LDLRAD4: variants seen among roughly 807,000 people sequenced by gnomAD.
LDLRAD4 encodes low density lipoprotein receptor class A domain containing 4.
LDLRAD4 carries 5 observed loss-of-function variants against 17.0 expected under a neutral mutation model. That is an observed-to-expected ratio of 0.29 (90% confidence interval 0.15 to 0.62). LDLRAD4 has a LOEUF of 0.62. Ranked by LOEUF, LDLRAD4 falls within the 20% of genes least tolerant of loss-of-function variation. The pLI is 0.84. For synonymous variants in LDLRAD4, 168 were observed against 171.8 expected (o/e 0.98, Z 0.17); for missense variants, 340 against 424.7 (o/e 0.80, Z 1.75).
chr18:13,651,456 A>C (rs191916387), exon 6 of LDLRAD4: 39 of 152,298 alleles, frequency 2.6e-4, no homozygotes, highest in African/African-American at 8.9e-4. Flanking sequence ...CAAGTGAAGG[A>C]CCTCTCATCC....
chr18:13,443,731 C>T (rs2091197520), intron 3 of LDLRAD4, among the ~76,000 whole-genome samples: 1 of 152,156 alleles, frequency 6.6e-6, no homozygotes, highest in Non-Finnish European at 1.5e-5. Flanking sequence ...CCTCCCCCTT[C>T]TCCCTTTTGT....
upstream of LDLRAD4, among the ~76,000 whole-genome samples, chr18:13,273,676 G>A (rs562657159): frequency 3.3e-5 from 5 of 152,186 alleles, no homozygotes; most frequent in East Asian, 7.7e-4. Context: ...AGAAGCCTGC[G>A]GCCAGGCTTC....
intron 3 of LDLRAD4, chr18:13,612,659 G>C (rs774145086): frequency 1.9e-6 from 3 of 1,613,460 alleles, no homozygotes; most frequent in Non-Finnish European, 1.7e-6. Flanking sequence ...TTTGAACGTG[G>C]GGGGGCTGCG....
intron 3 of LDLRAD4, among the ~76,000 whole-genome samples, chr18:13,502,676 G>A (rs1043238788): frequency 2.6e-5 from 4 of 152,172 alleles, no homozygotes; most frequent in African/African-American, 7.2e-5. Flanking sequence ...CTTGGGCCAC[G>A]GCTGCCTGAA....
At chr18:13,263,098 T>G (rs1364028289) in intron 1 of LDLRAD4, among the ~76,000 whole-genome samples, 20 of 59,822 alleles carry the variant, frequency 3.3e-4, no homozygotes, top group African/African-American at 8.7e-4. Flanking sequence ...GCTGCTCTGT[T>G]TGCGTGGAAA....
At position 13,532,439 on chromosome 18, in the gene LDLRAD4, G is replaced by A. The variant is rs114455407; in HGVS notation, c.182-88678G>A. Among the ~76,000 whole-genome samples the A allele has an allele frequency of 4.4e-3, 672 of 152,298 alleles. 2 individuals are homozygous for A. The highest frequency in any genetic ancestry group is 0.015 in the African/African-American group (639 of 41,558). Reference sequence around the variant, plus strand: ...GTGATCTGAGTTTATTTCCAAACAGGTCAGGCCCAGATACAAGCGACCGCG... The same window carrying A: ...GTGATCTGAGTTTATTTCCAAACAGATCAGGCCCAGATACAAGCGACCGCG... On this transcript the variant is annotated intron_variant, in intron 3 of 5. Coordinates refer to ENST00000359446, the Ensembl canonical transcript of LDLRAD4.
intron 3 of LDLRAD4, among the ~76,000 whole-genome samples, chr18:13,578,470 CT>C (rs1351355440): frequency 3.3e-5 from 5 of 152,196 alleles, no homozygotes; most frequent in Non-Finnish European, 7.3e-5. Flanking sequence ...GAACCACCTT[CT>C]TTGTAACTGT....
intron 3 of LDLRAD4, among the ~76,000 whole-genome samples, chr18:13,610,203 A>T (rs1169658232): frequency 5.3e-5 from 8 of 150,952 alleles, no homozygotes; most frequent in Admixed American, 4.0e-4. Context: ...CAAAATGCAA[A>T]TATGTTCATT....
chr18:13,601,618 C>A (rs2095162772), intron 3 of LDLRAD4, among the ~76,000 whole-genome samples: 1 of 145,846 alleles, frequency 6.9e-6, no homozygotes, highest in Non-Finnish European at 1.5e-5. Context: ...TGCGCCACGG[C>A]ACTCCAGCCT....
At chr18:13,411,142 C>G (rs1352343444) in intron 2 of LDLRAD4, among the ~76,000 whole-genome samples, 2 of 151,780 alleles carry the variant, frequency 1.3e-5, no homozygotes, top group African/African-American at 4.8e-5. Flanking sequence ...TTCCCAGCTA[C>G]TTGGGAAGCT....
At chr18:13,455,518 G>T (rs1201757265) in intron 3 of LDLRAD4, among the ~76,000 whole-genome samples, 2 of 136,244 alleles carry the variant, frequency 1.5e-5, no homozygotes, top group East Asian at 4.1e-4. Flanking sequence ...TGCTGAGCAG[G>T]TAGAGGAGAC....
intron 4 of LDLRAD4, among the ~76,000 whole-genome samples, chr18:13,625,044 C>T (rs747209624): frequency 3.3e-5 from 5 of 152,220 alleles, no homozygotes; most frequent in Non-Finnish European, 7.3e-5. Context: ...GCCCTGGCGG[C>T]GGCTCAGCAC....
chr18:13,516,349 G>GCC (rs2093866548), intron 3 of LDLRAD4, among the ~76,000 whole-genome samples: 2 of 152,194 alleles, frequency 1.3e-5, no homozygotes, highest in African/African-American at 4.8e-5. Flanking sequence ...TCCTAGAGGA[G>GCC]CCCTCGTGCC....
At chr18:13,643,687 C>T (rs1294068832) in intron 5 of LDLRAD4, among the ~76,000 whole-genome samples, 1 of 152,214 alleles carries the variant, frequency 6.6e-6, no homozygotes, top group Non-Finnish European at 1.5e-5. Flanking sequence ...TACTAATGTG[C>T]CTTGGCAAGT....
intron 3 of LDLRAD4, among the ~76,000 whole-genome samples, chr18:13,497,182 G>T (rs979810989): frequency 6.6e-6 from 1 of 152,048 alleles, no homozygotes; most frequent in African/African-American, 2.4e-5. Flanking sequence ...CTTAAAGAAG[G>T]GTTCTTTTTA....
At chr18:13,528,455 G>T (rs2094070650) in intron 3 of LDLRAD4, among the ~76,000 whole-genome samples, 1 of 152,176 alleles carries the variant, frequency 6.6e-6, no homozygotes, top group Non-Finnish European at 1.5e-5. Flanking sequence ...TGGGATTACA[G>T]ATGTGCACCA....
At chr18:13,643,253 G>A (rs2042759489) in intron 4 of LDLRAD4, 106 bp from the exon 6 acceptor site, 2 of 718,948 alleles carry the variant, frequency 2.8e-6, no homozygotes, top group Admixed American at 3.2e-5. Flanking sequence ...GTTTTATGCA[G>A]ATCCCCGTTT....
At chr18:13,636,344 G>A (rs917197743) in intron 4 of LDLRAD4, among the ~76,000 whole-genome samples, 3 of 150,532 alleles carry the variant, frequency 2.0e-5, no homozygotes, top group South Asian at 2.1e-4. Flanking sequence ...AAAAATCTGC[G>A]TTTTAGTGGA....
At chr18:13,305,180 A>T (rs976344196) in intron 1 of LDLRAD4, among the ~76,000 whole-genome samples, 5 of 152,206 alleles carry the variant, frequency 3.3e-5, no homozygotes, top group African/African-American at 1.2e-4. Flanking sequence ...CATTTTTATT[A>T]CTGTAAAATA....
Sources: allele counts gnomAD v4.1 joint callset (sites outside exome capture counted in the v4.1 genomes callset), GRCh38; gene constraint gnomAD v4.1.1; transcripts MANE v1.5; gene names NCBI Gene and HGNC (gene_info 2026-07-23, HGNC 2026-07-21).